The following ALDH1A2 variants were observed in gnomAD, a reference collection of about 807,000 sequenced individuals.
The protein encoded by ALDH1A2 is retinal dehydrogenase 2.
Under a neutral mutation model 60.3 loss-of-function variants are expected in ALDH1A2, and 27 were observed. The ratio of observed to expected loss-of-function variants is 0.45; its 90% CI spans 0.33 to 0.62. The LOEUF is 0.62. ALDH1A2 is among the 20% of genes least tolerant of loss of function. The probability of loss-of-function intolerance (pLI) is 0.02; values close to 1 mark genes in which losing one functional copy is unlikely to be tolerated. For missense variants in ALDH1A2, 581 were observed against 643.8 expected, an observed-to-expected ratio of 0.90 and a Z score of 1.06; for synonymous variants, 289 against 232.4, an observed-to-expected ratio of 1.24 and a Z score of -2.21.
intron 9 of ALDH1A2, 135 bp from the exon 10 acceptor site, chr15:57,962,311 GTTAC>G: frequency 1.9e-6 from 2 of 1,077,476 alleles, no homozygotes; most frequent in East Asian, 2.6e-5. Flanking sequence ...TAAAACTGCT[GTTAC>G]TTACCAATTT....
chr15:57,970,172 C>A (rs1894015884), intron 7 of ALDH1A2, among the ~76,000 whole-genome samples: 1 of 152,212 alleles, frequency 6.6e-6, no homozygotes. Flanking sequence ...AGTAGAACAC[C>A]ACAGCTGCAC....
At chr15:58,008,220 T>C (rs1376309964) in intron 4 of ALDH1A2, among the ~76,000 whole-genome samples, 2 of 152,100 alleles carry the variant, frequency 1.3e-5, no homozygotes, top group Non-Finnish European at 2.9e-5. Context: ...AGTATGACTC[T>C]AAATGCACTT....
intron 7 of ALDH1A2, among the ~76,000 whole-genome samples, chr15:57,981,509 C>T (rs2140475647): frequency 6.6e-6 from 1 of 152,214 alleles, no homozygotes; most frequent in African/African-American, 2.4e-5. Flanking sequence ...TACTATATGC[C>T]AAGCAATATG....
At chr15:57,997,203 A>G (rs1042727243) in intron 4 of ALDH1A2, among the ~76,000 whole-genome samples, 1 of 152,064 alleles carries the variant, frequency 6.6e-6, no homozygotes, top group Non-Finnish European at 1.5e-5. Context: ...TTTAAACATC[A>G]AATTAACTAT....
At chr15:58,050,207 A>T (rs4144004) in intron 1 of ALDH1A2, among the ~76,000 whole-genome samples, 1 of 149,820 alleles carries the variant, frequency 6.7e-6, no homozygotes, top group Non-Finnish European at 1.5e-5. Flanking sequence ...AAAAAAAAAA[A>T]GTCTTTCTAC....
At chr15:58,062,041 C>T (rs1028543206) in intron 1 of ALDH1A2, among the ~76,000 whole-genome samples, 3 of 151,842 alleles carry the variant, frequency 2.0e-5, no homozygotes, top group African/African-American at 4.8e-5. Context: ...TGAAATAGAC[C>T]CCAGAAAACA....
intron 11 of ALDH1A2, 107 bp downstream of exon 11, chr15:57,961,030 T>C: frequency 6.7e-7 from 1 of 1,482,066 alleles, no homozygotes; most frequent in Non-Finnish European, 9.3e-7. Context: ...TCTGGTGAAC[T>C]TTGGTTGCTT....
At chr15:58,022,148 C>T (rs1895945285) in intron 1 of ALDH1A2, among the ~76,000 whole-genome samples, 1 of 152,142 alleles carries the variant, frequency 6.6e-6, no homozygotes, top group South Asian at 2.1e-4. Flanking sequence ...GCTAGTGCCT[C>T]CTCTCACCAC....
chr15:58,047,028 G>C (rs1444154359), intron 1 of ALDH1A2, among the ~76,000 whole-genome samples: 1 of 151,990 alleles, frequency 6.6e-6, no homozygotes, highest in East Asian at 1.9e-4. Context: ...AAACAAGAGA[G>C]GACAAACTAG....
At chr15:58,016,429 C>T (rs1895791988) in intron 1 of ALDH1A2, among the ~76,000 whole-genome samples, 1 of 152,160 alleles carries the variant, frequency 6.6e-6, no homozygotes, top group East Asian at 1.9e-4. Flanking sequence ...TGAGCCACTG[C>T]ACCCGGCCCC....
intron 1 of ALDH1A2, chr15:58,036,567 T>C (rs1460457398): frequency 2.6e-5 from 4 of 151,484 alleles, no homozygotes; most frequent in African/African-American, 9.7e-5. Context: ...ACAGCACCAG[T>C]TGGAACTAAG....
intron 4 of ALDH1A2, among the ~76,000 whole-genome samples, chr15:57,996,042 T>C (rs2140495365): frequency 6.6e-6 from 1 of 152,208 alleles, no homozygotes; most frequent in Middle Eastern, 3.4e-3. Flanking sequence ...GCCACTTCAC[T>C]GATACTTGTT....
intron 7 of ALDH1A2, among the ~76,000 whole-genome samples, chr15:57,989,544 C>G (rs1388686585): frequency 1.3e-5 from 2 of 152,004 alleles, no homozygotes; most frequent in Non-Finnish European, 2.9e-5. Context: ...CAGTCTGGTA[C>G]TAGTGAAAGA....
At chr15:58,043,044 G>C (rs1001877857) in intron 1 of ALDH1A2, among the ~76,000 whole-genome samples, 2 of 151,930 alleles carry the variant, frequency 1.3e-5, no homozygotes, top group Non-Finnish European at 2.9e-5. Context: ...AGGAGGAAAA[G>C]GAAGAGGTGA....
At chr15:57,975,941 C>T (rs922734319) in intron 7 of ALDH1A2, among the ~76,000 whole-genome samples, 5 of 151,886 alleles carry the variant, frequency 3.3e-5, no homozygotes, top group Admixed American at 6.6e-5. Context: ...TACACATGGC[C>T]AAGACTTATC....
At chr15:58,028,441 A>G (rs920996993) in intron 1 of ALDH1A2, among the ~76,000 whole-genome samples, 2 of 152,214 alleles carry the variant, frequency 1.3e-5, no homozygotes, top group Admixed American at 6.5e-5. Context: ...AGCCACTGCA[A>G]AAAACATGCA....
intron 7 of ALDH1A2, among the ~76,000 whole-genome samples, chr15:57,975,576 T>G (rs564504572): frequency 3.3e-5 from 5 of 152,294 alleles, no homozygotes; most frequent in South Asian, 4.1e-4. Flanking sequence ...GTTTCAAGTT[T>G]TGGGGGCATT....
At chr15:57,957,288 A>G (rs1251095694) in intron 12 of ALDH1A2, among the ~76,000 whole-genome samples, 2 of 152,150 alleles carry the variant, frequency 1.3e-5, no homozygotes, top group Non-Finnish European at 2.9e-5. Flanking sequence ...ATACATAAGT[A>G]TCACCCAAAG....
chr15:58,039,974 A>G (rs1018960820), intron 1 of ALDH1A2, among the ~76,000 whole-genome samples: 4 of 151,934 alleles, frequency 2.6e-5, no homozygotes, highest in Non-Finnish European at 4.4e-5. Flanking sequence ...TGCCCTTGAA[A>G]TAAGTGTTCA....
Sources: gnomAD v4.1 joint callset for allele counts (sites outside exome capture counted in the v4.1 genomes callset) on GRCh38, gnomAD v4.1.1 for gene constraint, MANE v1.5 for transcripts, NCBI Gene and HGNC (gene_info 2026-07-23, HGNC 2026-07-21) for gene names.